NCKAP5: variants seen among roughly 807,000 people sequenced by gnomAD.
NCKAP5 encodes the protein nck-associated protein 5.
NCKAP5 carries 92 observed loss-of-function variants against 167.0 expected under a neutral mutation model. The observed-to-expected ratio is 0.55, with a 90% CI of 0.47 to 0.66. The LOEUF (loss-of-function observed/expected upper bound fraction) is 0.66. Among genes scored for constraint, NCKAP5 ranks in the 30% least tolerant of loss-of-function variants. NCKAP5 has a pLI of 0.00. For synonymous variants in NCKAP5, 891 were observed against 877.4 expected (o/e 1.02, Z -0.27); for missense variants, 2,378 against 2,315.0 (o/e 1.03, Z -0.56).
At chr2:133,209,135 T>C (rs2086095048) in intron 5 of NCKAP5, among the ~76,000 whole-genome samples, 1 of 151,478 alleles carries the variant, frequency 6.6e-6, no homozygotes, top group South Asian at 2.1e-4. Context: ...ACTCTTGGGG[T>C]AGGATGGACC....
chr2:132,758,028 A>AATCACTCG (rs1680695251), intron 16 of NCKAP5, among the ~76,000 whole-genome samples: 1 of 152,252 alleles, frequency 6.6e-6, no homozygotes, highest in African/African-American at 2.4e-5. Context: ...TCCTCCACCA[A>AATCACTCG]ATCACTCGCC....
chr2:133,221,762 C>T (rs2086671443), intron 4 of NCKAP5, among the ~76,000 whole-genome samples: 1 of 152,198 alleles, frequency 6.6e-6, no homozygotes, highest in African/African-American at 2.4e-5. Context: ...CAATTTCAGA[C>T]TTTTCAGCAA....
At chr2:133,605,493 A>C in the NCKAP5 span, among the ~76,000 whole-genome samples, 1 of 152,152 alleles carries the variant, frequency 6.6e-6, no homozygotes, top group Non-Finnish European at 1.5e-5. Context: ...GGGGGAAGGG[A>C]CACAGAGGAG....
At chr2:132,986,908 T>C (rs976210534) in intron 7 of NCKAP5, among the ~76,000 whole-genome samples, 2 of 151,806 alleles carry the variant, frequency 1.3e-5, no homozygotes, top group African/African-American at 2.4e-5. Flanking sequence ...AATCCAGGAG[T>C]GGACAATCCA....
In NCKAP5 at chr2:133,492,125, T is replaced by G. The variant is rs1487264797; in HGVS notation, c.69+25333A>C. Among the ~76,000 whole-genome samples the G allele has an allele frequency of 3.5e-5, 3 of 86,280 alleles. No individual in the cohort carries two copies. In the East Asian group the frequency reaches 1.1e-3, roughly 32 times the overall value. 56.6% of individuals were successfully genotyped at this position (86,280 alleles called of 152,430 possible). A position where few individuals can be genotyped will look rare whatever the true frequency, so the allele number is the denominator to read the frequency against. Reference sequence around the variant, plus strand: ...GCCCCCAATCCCTGCTCTACCTGTATCCTATGCCATATCTAGTTAGTGTGT... The same window carrying G: ...GCCCCCAATCCCTGCTCTACCTGTAGCCTATGCCATATCTAGTTAGTGTGT... On this transcript the variant is annotated intron_variant, in intron 3 of 19. Transcript: ENST00000409261.
intron 6 of NCKAP5, among the ~76,000 whole-genome samples, chr2:133,106,095 C>A (rs989036427): frequency 1.9e-4 from 29 of 151,532 alleles, no homozygotes; most frequent in African/African-American, 6.1e-4. Context: ...AGATGGAGAC[C>A]ATCCTGGCTA....
intron 6 of NCKAP5, among the ~76,000 whole-genome samples, chr2:133,095,806 G>C (rs1422984798): frequency 6.6e-6 from 1 of 152,146 alleles, no homozygotes; most frequent in Non-Finnish European, 1.5e-5. Context: ...TTGATAAACA[G>C]TGTTGTGTTT....
At chr2:133,003,005 A>C (rs1191346234) in intron 6 of NCKAP5, among the ~76,000 whole-genome samples, 1 of 152,208 alleles carries the variant, frequency 6.6e-6, no homozygotes, top group African/African-American at 2.4e-5. Context: ...GGTCAGATGT[A>C]AAACAAACCA....
At position 133,401,316 on chromosome 2, in the gene NCKAP5, C is replaced by A. The variant is rs193083063; in HGVS notation, c.70-98206G>T. 4.5e-4 allele frequency among the ~76,000 whole-genome samples: 68 copies of A among 152,302 alleles called. 2 individuals carry two copies. Among genetic ancestry groups the A allele is most frequent in the African/African-American group, 1.5e-3 (64 of 41,566 alleles). On this transcript the variant is annotated intron_variant, in intron 3 of 19. Transcript: ENST00000409261. ...CCATTTGGCTGTTTCAAACTTGTAT[C>A]ATTTATAGTAAACTAATAATAGTAA... is the stretch of plus-strand genomic sequence containing the variant.
intron 3 of NCKAP5, among the ~76,000 whole-genome samples, chr2:133,387,630 A>T (rs907975270): frequency 6.6e-6 from 1 of 152,168 alleles, no homozygotes; most frequent in African/African-American, 2.4e-5. Context: ...TAATATCCTG[A>T]AGAGTGTTTT....
chr2:133,088,974 T>C (rs899141453), intron 6 of NCKAP5, among the ~76,000 whole-genome samples: 2 of 152,126 alleles, frequency 1.3e-5, no homozygotes, highest in African/African-American at 2.4e-5. Flanking sequence ...GACTTATCTG[T>C]ATATAGGAAA....
At chr2:133,007,771 C>G (rs929434445) in intron 6 of NCKAP5, among the ~76,000 whole-genome samples, 1 of 152,110 alleles carries the variant, frequency 6.6e-6, no homozygotes, top group African/African-American at 2.4e-5. Flanking sequence ...ATCTTCATAT[C>G]AATGGAATGA....
chr2:133,287,328 A>C (rs1475442086), intron 4 of NCKAP5, among the ~76,000 whole-genome samples: 1 of 152,208 alleles, frequency 6.6e-6, no homozygotes, highest in Non-Finnish European at 1.5e-5. Flanking sequence ...GATATGGTCT[A>C]ACTAGCAACT....
the NCKAP5 span, among the ~76,000 whole-genome samples, chr2:133,586,751 TCACACACACACACACACACA>T: frequency 4.3e-5 from 6 of 140,932 alleles, no homozygotes; most frequent in Non-Finnish European, 6.2e-5. Context: ...GACAGCAATA[TCACACACACACACACACACA>T]CACACACACA....
Position 133,125,056 on chromosome 2 carries a change from A to C in NCKAP5, c.341+4922T>G, listed in dbSNP as rs187511167. The stretch of plus-strand genomic sequence containing the variant: ...AGCCAGACCCTGTCTCAATAATAAT[A>C]ATCATCATCATCATCTACAAGTTGA... On this transcript the variant is annotated intron_variant, in intron 6 of 19. Transcript: ENST00000409261. Among the ~76,000 whole-genome samples the C allele has an allele frequency of 2.6e-3, 399 of 152,080 alleles. 1 individual carries two copies. Among genetic ancestry groups the C allele is most frequent in the African/African-American group, 8.2e-3 (340 of 41,500 alleles).
intron 3 of NCKAP5, among the ~76,000 whole-genome samples, chr2:133,437,629 A>G (rs994244123): frequency 4.6e-5 from 7 of 152,160 alleles, no homozygotes; most frequent in African/African-American, 9.7e-5. Flanking sequence ...GATGATTCCT[A>G]AAGCAGCCCC....
intron 4 of NCKAP5, among the ~76,000 whole-genome samples, chr2:133,257,093 G>C (rs1443033993): frequency 1.3e-5 from 2 of 152,160 alleles, no homozygotes; most frequent in African/African-American, 4.8e-5. Flanking sequence ...AACTTTTTCA[G>C]CTTGAAGTAG....
chr2:133,078,691 T>C (rs1225938577), intron 6 of NCKAP5, among the ~76,000 whole-genome samples: 3 of 152,160 alleles, frequency 2.0e-5, no homozygotes, highest in African/African-American at 7.2e-5. Flanking sequence ...TTTAGATCAC[T>C]GGCTGCCTCT....
the NCKAP5 span, among the ~76,000 whole-genome samples, chr2:133,633,335 T>C: frequency 6.6e-6 from 1 of 152,218 alleles, no homozygotes; most frequent in South Asian, 2.1e-4. Context: ...TTGGCCTTTC[T>C]AAACACATTA....
Sources: allele counts gnomAD v4.1 joint callset (sites outside exome capture counted in the v4.1 genomes callset), GRCh38; gene constraint gnomAD v4.1.1; transcripts MANE v1.5; gene names NCBI Gene and HGNC (gene_info 2026-07-23, HGNC 2026-07-21).